The following GPR149 variants were observed in gnomAD, a reference collection of about 807,000 sequenced individuals.
The protein encoded by GPR149 is G protein-coupled receptor 149.
GPR149 carries 50 observed loss-of-function variants against 50.2 expected under a neutral mutation model. That is an observed-to-expected ratio of 1.00 (90% CI 0.79 to 1.26). The LOEUF is 1.26. Among genes scored for constraint, GPR149 ranks in the 50% most tolerant of loss-of-function variants. The pLI is 0.00. For synonymous variants in GPR149, 405 were observed against 358.2 expected, an observed-to-expected ratio of 1.13 and a Z score of -1.48; for missense variants, 983 against 895.4, an observed-to-expected ratio of 1.10 and a Z score of -1.25.
intron 3 of GPR149, among the ~76,000 whole-genome samples, chr3:154,381,064 A>G (rs1175270078): frequency 2.0e-5 from 3 of 152,226 alleles, no homozygotes; most frequent in Non-Finnish European, 4.4e-5. Flanking sequence ...ACAGGACATC[A>G]TTAGATAATT....
Position 154,429,408 on chromosome 3 carries a change from G to A in GPR149, c.208C>T (p.Leu70Phe), listed in dbSNP as rs777021237. The part of the protein sequence containing the change: ...KMQNRTVVSM[L>F]VASWSVDDLM... The stretch of plus-strand genomic sequence containing the variant: ...TCATCCACAGACCAGGAAGCCACAA[G>A]CATGGACACAACAGTTCTGTTCTGC... Residue 70 changes from leucine (L) to phenylalanine (F), a missense_variant, in exon 1 of 4, where the codon CTT becomes TTT. Leu to Phe is a conservative substitution (Grantham distance 22). Transcript: ENST00000389740. The A allele has an allele frequency of 9.9e-6, 16 of 1,614,054 alleles. No homozygotes were observed. The highest frequency in any genetic ancestry group is 1.3e-5 in the Non-Finnish European group (15 of 1,180,034).
At chr3:154,367,758 C>T (rs1298885734) in intron 3 of GPR149, among the ~76,000 whole-genome samples, 1 of 152,150 alleles carries the variant, frequency 6.6e-6, no homozygotes, top group Non-Finnish European at 1.5e-5. Flanking sequence ...GGCCGCCCCA[C>T]CAAATCTTTG....
intron 3 of GPR149, among the ~76,000 whole-genome samples, chr3:154,401,024 T>C (rs575537856): frequency 1.3e-5 from 2 of 152,376 alleles, no homozygotes; most frequent in East Asian, 3.9e-4. Flanking sequence ...GAGTCCTGGT[T>C]TTACCACTTA....
chr3:154,359,527 C>T (rs1457393180), intron 3 of GPR149, among the ~76,000 whole-genome samples: 2 of 152,296 alleles, frequency 1.3e-5, no homozygotes, highest in East Asian at 1.9e-4. Context: ...AGCCTCCAAT[C>T]CACCCCAGAT....
At chr3:154,343,375 C>T (rs1713849812) in intron 3 of GPR149, among the ~76,000 whole-genome samples, 1 of 152,044 alleles carries the variant, frequency 6.6e-6, no homozygotes, top group Admixed American at 6.5e-5. Flanking sequence ...ATCATGATTA[C>T]TCTTTTGATC....
At chr3:154,372,116 T>C (rs1234780692) in intron 3 of GPR149, among the ~76,000 whole-genome samples, 1 of 152,106 alleles carries the variant, frequency 6.6e-6, no homozygotes, top group Non-Finnish European at 1.5e-5. Flanking sequence ...CCAACAGCAG[T>C]TGGGGTGTCC....
At chr3:154,340,971 C>T (rs1205783832) in intron 3 of GPR149, among the ~76,000 whole-genome samples, 5 of 152,076 alleles carry the variant, frequency 3.3e-5, no homozygotes, top group Non-Finnish European at 7.3e-5. Flanking sequence ...CTCCCTGCCT[C>T]GGCCTCCCAA....
chr3:154,352,609 G>A, intron 3 of GPR149: 6 of 777,364 alleles, frequency 7.7e-6, no homozygotes, highest in South Asian at 4.0e-5. Context: ...CAAAGACTGT[G>A]GTTCAAAACT....
chr3:154,417,477 A>T (rs1712020774), intron 3 of GPR149, among the ~76,000 whole-genome samples: 1 of 152,098 alleles, frequency 6.6e-6, no homozygotes, highest in Admixed American at 6.6e-5. Flanking sequence ...AAAAAAAAGC[A>T]TATTGTAGAA....
At chr3:154,392,943 A>G (rs1715202688) in intron 3 of GPR149, among the ~76,000 whole-genome samples, 2 of 152,102 alleles carry the variant, frequency 1.3e-5, no homozygotes, top group African/African-American at 4.8e-5. Context: ...GTAATCAAAA[A>G]CTTCCTACCA....
At chr3:154,392,143 A>G (rs1715186275) in intron 3 of GPR149, among the ~76,000 whole-genome samples, 1 of 151,936 alleles carries the variant, frequency 6.6e-6, no homozygotes, top group Non-Finnish European at 1.5e-5. Context: ...GAACAACAGT[A>G]TAGAACAAAT....
chr3:154,424,081 C>T (rs962503367), intron 2 of GPR149, among the ~76,000 whole-genome samples: 1 of 151,662 alleles, frequency 6.6e-6, no homozygotes. Context: ...GTTGTGTTGT[C>T]AATAATTCTA....
intron 3 of GPR149, among the ~76,000 whole-genome samples, chr3:154,382,412 A>G (rs1304048952): frequency 1.3e-5 from 2 of 152,212 alleles, no homozygotes; most frequent in Admixed American, 6.5e-5. Context: ...AAATCCAGGA[A>G]GGCTGCTGGT....
rs1427682571 is a variant in GPR149 at position 154,427,665 on chromosome 3, G to T, written c.1025C>A (p.Pro342His). 1 of 1,614,054 alleles carries T rather than the reference G, an allele frequency of 6.2e-7. No homozygotes were observed. Among genetic ancestry groups the T allele is most frequent in the Non-Finnish European group, 8.5e-7 (1 of 1,179,952 alleles). ...VQNVVGFQSL[P>H]LETFSFLLTL... is the part of the protein sequence containing the mutation. ...AAGTAGAAAGCTGAATGTCTCCAAG[G>T]GAAGGCTCTGAAACCCCACGACGTT... The change falls in exon 2 of 4, where the codon CCC (proline) becomes CAC (histidine). Residue 342 changes from proline (P) to histidine (H), a missense_variant. Transcript: ENST00000389740.
intron 3 of GPR149, among the ~76,000 whole-genome samples, chr3:154,369,933 C>T (rs958265401): frequency 1.3e-5 from 2 of 152,138 alleles, no homozygotes; most frequent in African/African-American, 4.8e-5. Context: ...AAAAATTCCC[C>T]ACAGGGCAAC....
chr3:154,421,158 A>C lies in GPR149; in HGVS notation c.1504T>G (p.Tyr502Asp). ...FSDKTGGDIN[Y>D]EETTFSEGPE... Reference sequence around the variant, plus strand: ...CCTTCAGAAAAGGTAGTTTCTTCATAGTTAATATCACCTCCTGTTTTGTCA... The same window carrying C: ...CCTTCAGAAAAGGTAGTTTCTTCATCGTTAATATCACCTCCTGTTTTGTCA... The change falls in exon 3 of 4, where the codon TAT (tyrosine) becomes GAT (aspartate). Residue 502 changes from tyrosine (Y) to aspartate (D), a missense_variant. Tyr to Asp is a radical substitution (Grantham distance 160). Transcript: ENST00000389740. 6.2e-7 allele frequency: 1 copy of C among 1,613,462 alleles called. No homozygotes were observed. Among genetic ancestry groups the C allele is most frequent in the Non-Finnish European group, 8.5e-7 (1 of 1,179,562 alleles).
chr3:154,376,555 T>G (rs1714796245), intron 3 of GPR149, among the ~76,000 whole-genome samples: 2 of 152,342 alleles, frequency 1.3e-5, no homozygotes, highest in African/African-American at 4.8e-5. Context: ...AATTTATAAT[T>G]TTTTCCAGTT....
chr3:154,404,999 C>G (rs1180335865), intron 3 of GPR149, among the ~76,000 whole-genome samples: 1 of 152,160 alleles, frequency 6.6e-6, no homozygotes, highest in Non-Finnish European at 1.5e-5. Context: ...TGCTTACCAC[C>G]TCCTCCACTA....
chr3:154,344,094 T>C (rs1189237644), intron 3 of GPR149, among the ~76,000 whole-genome samples: 1 of 152,214 alleles, frequency 6.6e-6, no homozygotes, highest in East Asian at 1.9e-4. Flanking sequence ...ATCCTATGGT[T>C]CTAGTAAGAC....
Sources: gnomAD v4.1 joint callset for allele counts (sites outside exome capture counted in the v4.1 genomes callset) on GRCh38, gnomAD v4.1.1 for gene constraint, MANE v1.5 for transcripts, NCBI Gene and HGNC (gene_info 2026-07-23, HGNC 2026-07-21) for gene names.